The following ENTREP2 variants were observed in gnomAD, a reference collection of about 807,000 sequenced individuals.
ENTREP2 encodes endosomal transmembrane epsin interactor 2.
At chr15:29,204,098 C>T in the ENTREP2 span, among the ~76,000 whole-genome samples, 1 of 152,148 alleles carries the variant, frequency 6.6e-6, no homozygotes, top group African/African-American at 2.4e-5. Flanking sequence ...TGGTTAGTTC[C>T]CTGACCTCGA....
chr15:29,157,100 GA>G, the ENTREP2 span, among the ~76,000 whole-genome samples: 4 of 151,778 alleles, frequency 2.6e-5, no homozygotes, highest in African/African-American at 7.2e-5. Flanking sequence ...CTGTCTGGAA[GA>G]AAAAAAATAA....
chr15:29,306,108 T>G, the ENTREP2 span, among the ~76,000 whole-genome samples: 1 of 152,202 alleles, frequency 6.6e-6, no homozygotes, highest in Non-Finnish European at 1.5e-5. Flanking sequence ...CAGGCAGCGC[T>G]GCGATACCCC....
chr15:29,397,657 C>A, the ENTREP2 span, among the ~76,000 whole-genome samples: 1 of 152,182 alleles, frequency 6.6e-6, no homozygotes, highest in African/African-American at 2.4e-5. Flanking sequence ...TAAATTACTA[C>A]AATTGATTCC....
the ENTREP2 span, among the ~76,000 whole-genome samples, chr15:29,126,695 A>G: frequency 2.6e-5 from 4 of 152,188 alleles, no homozygotes; most frequent in Admixed American, 1.3e-4. Flanking sequence ...CAGGAATGGC[A>G]TGGTTCGGGG....
chr15:29,368,337 AAT>A, the ENTREP2 span, among the ~76,000 whole-genome samples: 5 of 146,174 alleles, frequency 3.4e-5, no homozygotes, highest in Admixed American at 6.8e-5. Flanking sequence ...CAAAAAAAAA[AAT>A]ATATATATAT....
At chr15:29,648,335 A>G in the ENTREP2 span, among the ~76,000 whole-genome samples, 10 of 152,158 alleles carry the variant, frequency 6.6e-5, no homozygotes, top group African/African-American at 2.4e-4. Context: ...CATTAACTCC[A>G]TGGGTTGCCC....
the ENTREP2 span, among the ~76,000 whole-genome samples, chr15:29,368,119 G>C: frequency 1.3e-5 from 2 of 151,998 alleles, no homozygotes; most frequent in South Asian, 4.1e-4. Flanking sequence ...GAGGTCAGGA[G>C]TTTGAGACCT....
the ENTREP2 span, among the ~76,000 whole-genome samples, chr15:29,295,469 T>A: frequency 6.6e-6 from 1 of 152,158 alleles, no homozygotes; most frequent in Non-Finnish European, 1.5e-5. Flanking sequence ...TCCCTTATCC[T>A]TAGGGGGATA....
At chr15:29,356,256 ATG>A in the ENTREP2 span, among the ~76,000 whole-genome samples, 2 of 103,052 alleles carry the variant, frequency 1.9e-5, no homozygotes, top group African/African-American at 3.8e-5. Flanking sequence ...ATGTATATAT[ATG>A]TGTGTGTGTG....
chr15:29,489,900 G>A, the ENTREP2 span, among the ~76,000 whole-genome samples: 1 of 152,226 alleles, frequency 6.6e-6, no homozygotes, highest in African/African-American at 2.4e-5. Flanking sequence ...GATGCATCCT[G>A]AAGTTTTGCT....
the ENTREP2 span, among the ~76,000 whole-genome samples, chr15:29,146,977 C>T: frequency 4.6e-5 from 7 of 151,502 alleles, no homozygotes; most frequent in Non-Finnish European, 8.8e-5. Flanking sequence ...TAAGAGCTAA[C>T]AGTAACACTA....
the ENTREP2 span, among the ~76,000 whole-genome samples, chr15:29,574,876 A>G: frequency 6.6e-6 from 1 of 152,180 alleles, no homozygotes; most frequent in African/African-American, 2.4e-5. Flanking sequence ...CTCTACTTCT[A>G]GGAATGTCAG....
chr15:29,618,064 A>C, the ENTREP2 span, among the ~76,000 whole-genome samples: 7 of 151,416 alleles, frequency 4.6e-5, no homozygotes, highest in Non-Finnish European at 8.8e-5. Context: ...TCTTTCTTAG[A>C]GTCTTAGAAA....
chr15:29,597,493 G>A, the ENTREP2 span, among the ~76,000 whole-genome samples: 7 of 151,856 alleles, frequency 4.6e-5, no homozygotes, highest in African/African-American at 1.2e-4. Flanking sequence ...GCTTGAACCC[G>A]GGAGGCGGAG....
At chr15:29,647,082 T>C in the ENTREP2 span, among the ~76,000 whole-genome samples, 1 of 152,198 alleles carries the variant, frequency 6.6e-6, no homozygotes. Context: ...AACCACCCAA[T>C]TTCACAGCAT....
At chr15:29,203,016 G>A in the ENTREP2 span, among the ~76,000 whole-genome samples, 4 of 152,138 alleles carry the variant, frequency 2.6e-5, no homozygotes, top group Non-Finnish European at 5.9e-5. Flanking sequence ...TGGGATTGCT[G>A]GGTCAAATGG....
chr15:29,117,891 G>A, the ENTREP2 span: 3 of 139,566 alleles, frequency 2.1e-5, no homozygotes, highest in African/African-American at 3.3e-5. Flanking sequence ...ACAGAGACAA[G>A]GAGGGCACAG....
At chr15:29,322,705 C>G in the ENTREP2 span, among the ~76,000 whole-genome samples, 31 of 152,144 alleles carry the variant, frequency 2.0e-4, no homozygotes, top group African/African-American at 7.0e-4. Flanking sequence ...AATATATAAT[C>G]GATTATTTCT....
the ENTREP2 span, among the ~76,000 whole-genome samples, chr15:29,130,255 T>G: frequency 6.6e-6 from 1 of 152,184 alleles, no homozygotes; most frequent in Non-Finnish European, 1.5e-5. Flanking sequence ...GTCCATACTA[T>G]TTTTCTTCCT....
Sources: gnomAD v4.1 joint callset for allele counts (sites outside exome capture counted in the v4.1 genomes callset) on GRCh38, gnomAD v4.1.1 for gene constraint, MANE v1.5 for transcripts, NCBI Gene and HGNC (gene_info 2026-07-23, HGNC 2026-07-21) for gene names.